Variants in FBXL16 observed in about 807,000 individuals in gnomAD.
FBXL16 encodes the protein F-box and leucine rich repeat protein 16.
FBXL16 carries 7 observed loss-of-function variants against 36.7 expected under a neutral mutation model. The ratio of observed to expected loss-of-function variants is 0.19; its 90% CI spans 0.11 to 0.36. FBXL16 has a LOEUF of 0.36. Ranked by LOEUF, FBXL16 falls within the 10% of genes least tolerant of loss-of-function variation. FBXL16 has a pLI of 1.00. For synonymous variants in FBXL16, 355 were observed against 308.7 expected (o/e 1.15, Z -1.57); for missense variants, 463 against 659.4 (o/e 0.70, Z 3.26).
chr16:692,894 T>TCTCTCTTTCTCTCTCTCTCTCA lies in FBXL16; in HGVS notation c.*1359_*1380dup. 6.6e-6 allele frequency: 1 copy of TCTCTCTTTCTCTCTCTCTCTCA among 152,220 alleles called. No homozygotes were observed. The highest frequency in any genetic ancestry group is 2.4e-5 in the African/African-American group (1 of 41,332). 9.4% of individuals were successfully genotyped at this position (152,220 alleles called of 1,614,324 possible). ...TGTTTCTGATTCAACAGCATCTCTCTCTCTCTTTCTCTCTCTCTCTCACTC... is the reference window on the plus strand; with the variant it reads ...TGTTTCTGATTCAACAGCATCTCTCTCTCTCTTTCTCTCTCTCTCTCACTCTCTTTCTCTCTCTCTCTCACTC... On this transcript the variant is annotated 3_prime_UTR_variant, in exon 6 of 6. Coordinates refer to ENST00000397621, the MANE Select transcript of FBXL16 (RefSeq NM_153350.4).
intron 1 of FBXL16, among the ~76,000 whole-genome samples, chr16:701,724 C>T (rs763726278): frequency 2.0e-5 from 3 of 152,326 alleles, no homozygotes; most frequent in South Asian, 2.1e-4. Flanking sequence ...GGACGACCTG[C>T]GTGGGCTGCT....
At position 693,773 on chromosome 16, in the gene FBXL16, G is replaced by A. The variant is rs1192199271; in HGVS notation, c.*502C>T. 1 of 152,836 alleles carries A rather than the reference G, an allele frequency of 6.5e-6. No homozygotes were observed. Among genetic ancestry groups the A allele is most frequent in the Non-Finnish European group, 1.5e-5 (1 of 68,244 alleles). 9.5% of individuals were successfully genotyped at this position (152,836 alleles called of 1,614,324 possible). On this transcript the variant is annotated 3_prime_UTR_variant, in exon 6 of 6. Coordinates refer to ENST00000397621, the MANE Select transcript of FBXL16 (RefSeq NM_153350.4). Reference sequence around the variant, plus strand: ...GCGGTGGAAGATGCAGGAAGCCCGTGGGGCTCTTCTGGGCCCGTGTCCTGG... The same window carrying A: ...GCGGTGGAAGATGCAGGAAGCCCGTAGGGCTCTTCTGGGCCCGTGTCCTGG...
At chr16:704,998 G>A (rs2040081370) in intron 1 of FBXL16, among the ~76,000 whole-genome samples, 2 of 152,234 alleles carry the variant, frequency 1.3e-5, no homozygotes, top group African/African-American at 4.8e-5. Flanking sequence ...CCCGCCTCCA[G>A]AACCAGGAAG....
chr16:695,378 G>C (rs1468817609), intron 3 of FBXL16, 37 bp downstream of exon 3: 3 of 1,394,852 alleles, frequency 2.2e-6, no homozygotes, highest in Non-Finnish European at 2.8e-6. Flanking sequence ...AGCCCCGCCC[G>C]GCCCAGCCCC....
Position 696,802 on chromosome 16 carries a change from G to T in FBXL16, c.604C>A (p.Arg202Ser). ...KKGVKAMSLK[R>S]STITDAGLEV... ...AGGCCTGCGTCCGTGATGGTGGAGC[G>T]CTTGAGGCTCATGGCTTTGACACCC... Residue 202 changes from arginine (R) to serine (S), a missense_variant, in exon 2 of 6, where the codon CGC (arginine) becomes AGC (serine). This residue lies in a region of FBXL16 where 263 missense variants were observed against 341.1 expected (regional missense o/e 0.77). Coordinates refer to ENST00000397621, the MANE Select transcript of FBXL16 (RefSeq NM_153350.4). 1 of 1,399,812 alleles carries T rather than the reference G, an allele frequency of 7.1e-7. No individual in the cohort carries two copies. The allele number at this position is 1,399,812 out of a possible 1,614,324, so 86.7% of individuals were successfully genotyped here. A position where few individuals can be genotyped will look rare whatever the true frequency, so the allele number is the denominator to read the frequency against.
rs947863380 is a variant in FBXL16 at position 695,343 on chromosome 16, A to AGCCCC, written c.1142+67_1142+71dup. On this transcript the variant is annotated intron_variant, in intron 3 of 5. Transcript: ENST00000397621. ...GAAGCCCCCGCCCCCGGCCCCGTGC[A>AGCCCC]GCCCCGCCCCGCCCCGCCCCGTGCA... 510 of 944,948 alleles carry AGCCCC rather than the reference A, an allele frequency of 5.4e-4. 2 individuals are homozygous for AGCCCC. The African/African-American group carries it at 6.0e-3, about 11-fold the overall frequency. The allele number at this position is 944,948 out of a possible 1,614,324, so 58.5% of individuals were successfully genotyped here.
At chr16:698,780 G>A (rs898259401) in intron 1 of FBXL16, among the ~76,000 whole-genome samples, 1 of 151,942 alleles carries the variant, frequency 6.6e-6, no homozygotes, top group Non-Finnish European at 1.5e-5. Flanking sequence ...CGGGCTTGGT[G>A]GCAGGCTCCT....
chr16:705,199 G>A (rs2040083254), intron 1 of FBXL16, among the ~76,000 whole-genome samples: 1 of 152,180 alleles, frequency 6.6e-6, no homozygotes, highest in South Asian at 2.1e-4. Flanking sequence ...CGCCCGGGGT[G>A]GAGGCCGGGG....
chr16:698,192 G>A (rs769983212), intron 1 of FBXL16, among the ~76,000 whole-genome samples: 4 of 151,948 alleles, frequency 2.6e-5, no homozygotes, highest in Non-Finnish European at 5.9e-5. Context: ...TAGTAGAGAT[G>A]GGGTTTCTCC....
chr16:695,240 C>T (rs1326259909), intron 3 of FBXL16, 164 bp from the exon 4 acceptor site: 3 of 1,163,010 alleles, frequency 2.6e-6, no homozygotes, highest in South Asian at 3.2e-5. Flanking sequence ...GTCCAGCCAA[C>T]CCGTGCTGCG....
intron 1 of FBXL16, among the ~76,000 whole-genome samples, chr16:699,410 A>C (rs1006535223): frequency 6.6e-6 from 1 of 152,114 alleles, no homozygotes; most frequent in Non-Finnish European, 1.5e-5. Flanking sequence ...CCCCACCCCG[A>C]CATCCGGGGA....
chr16:700,199 G>A (rs968167535), intron 1 of FBXL16, among the ~76,000 whole-genome samples: 1 of 152,164 alleles, frequency 6.6e-6, no homozygotes. Flanking sequence ...GGTCTCGCCA[G>A]AACACGTGGC....
chr16:699,924 G>T (rs546329181), intron 1 of FBXL16, among the ~76,000 whole-genome samples: 1 of 152,334 alleles, frequency 6.6e-6, no homozygotes, highest in East Asian at 1.9e-4. Context: ...TTGGCTGAGT[G>T]TCCCTTCTGG....
intron 2 of FBXL16, 52 bp from the exon 3 acceptor site, chr16:695,975 G>C: frequency 1.3e-6 from 2 of 1,532,436 alleles, no homozygotes. Flanking sequence ...GGTGGAGCCC[G>C]CAGGGAGGAA....
At chr16:695,986 G>C (rs540143540) in intron 2 of FBXL16, 63 bp from the exon 3 acceptor site, 1 of 1,516,214 alleles carries the variant, frequency 6.6e-7, no homozygotes, top group East Asian at 2.3e-5. Context: ...CAGGGAGGAA[G>C]CAGTAGGGTG....
Position 697,407 on chromosome 16 carries a change from T to C in FBXL16, c.-2A>G, listed in dbSNP as rs1404195133. On this transcript the variant is annotated 5_prime_UTR_variant, in exon 2 of 6. Transcript: ENST00000397621. This position sits in a 1 kb window ranked among gnomAD's most constrained non-coding sequence, Gnocchi z 4.6. ...GCCGTCGATGCCCGGGCTCGACATC[T>C]TCCTGGCACGCTCTGTGGATGAGGG... is the stretch of plus-strand genomic sequence containing the variant. The C allele has an allele frequency of 6.5e-7, 1 of 1,532,288 alleles. No homozygotes were observed. Among genetic ancestry groups the C allele is most frequent in the Non-Finnish European group, 8.7e-7 (1 of 1,145,170 alleles). 94.9% of individuals were successfully genotyped at this position (1,532,288 alleles called of 1,614,324 possible).
At chr16:704,141 T>A (rs1457079494) in intron 1 of FBXL16, among the ~76,000 whole-genome samples, 2 of 152,188 alleles carry the variant, frequency 1.3e-5, no homozygotes, top group Non-Finnish European at 2.9e-5. Context: ...GGTCTTCGGG[T>A]GGCTGAACAG....
In FBXL16 at chr16:697,487, G is replaced by T; in HGVS notation, c.-14-68C>A. 4 of 1,461,558 alleles carry T rather than the reference G, an allele frequency of 2.7e-6. No homozygotes were observed. In the South Asian group the frequency reaches 4.1e-5, roughly 15 times the overall value. The allele number at this position is 1,461,558 out of a possible 1,614,324, so 90.5% of individuals were successfully genotyped here. On this transcript the variant is annotated intron_variant, in intron 1 of 5. Coordinates refer to ENST00000397621, the MANE Select transcript of FBXL16 (RefSeq NM_153350.4). The surrounding 1 kb of genome is among the most constrained non-coding windows in gnomAD (Gnocchi z 4.6). ...TCTGGAAGGCCGGGGTTGGGGGCGG[G>T]TGCAGTGGGGCTCCTTCCCTCCTTG...
chr16:694,856 C>A, intron 4 of FBXL16, 136 bp downstream of exon 4: 1 of 1,240,982 alleles, frequency 8.1e-7, no homozygotes, highest in Non-Finnish European at 1.1e-6. Flanking sequence ...CCGCCGGGAC[C>A]CCTGCGTTCC....
Sources: gnomAD v4.1 joint callset for allele counts (sites outside exome capture counted in the v4.1 genomes callset) on GRCh38, gnomAD v4.1.1 for gene constraint, gnomAD v4.1.1 regional missense constraint, Gnocchi (gnomAD v3.1) non-coding constraint, MANE v1.5 for transcripts, NCBI Gene and HGNC (gene_info 2026-07-23, HGNC 2026-07-21) for gene names.